The following STEAP3 variants were observed in gnomAD, a reference collection of about 807,000 sequenced individuals.
STEAP3 encodes metalloreductase STEAP3.
In STEAP3, 35 loss-of-function variants were observed where a neutral mutation model predicts 34.9. The observed-to-expected ratio is 1.00, with a 90% CI of 0.76 to 1.33. The LOEUF is 1.33. Ranked by LOEUF, STEAP3 falls within the 40% of genes most tolerant of loss-of-function variation. The pLI is 0.00. For synonymous variants in STEAP3, 281 were observed against 301.6 expected (o/e 0.93, Z 0.71); for missense variants, 652 against 667.6 (o/e 0.98, Z 0.26).
At chr2:119,224,957 A>G (rs959351254) in intron 1 of STEAP3, among the ~76,000 whole-genome samples, 1 of 152,188 alleles carries the variant, frequency 6.6e-6, no homozygotes, top group African/African-American at 2.4e-5. Flanking sequence ...TTGCAGAAGT[A>G]GAATTTGAAC....
At chr2:119,261,335 T>G (rs1360122072) in intron 5 of STEAP3, among the ~76,000 whole-genome samples, 1 of 151,878 alleles carries the variant, frequency 6.6e-6, no homozygotes, top group Non-Finnish European at 1.5e-5. Flanking sequence ...CACCCAGAGG[T>G]CTCAGTGTGC....
intron 4 of STEAP3, 99 bp from the exon 5 acceptor site, chr2:119,254,585 A>G: frequency 7.2e-7 from 1 of 1,392,728 alleles, no homozygotes; most frequent in East Asian, 2.3e-5. Context: ...GTGCAGTGTG[A>G]GCGCCCGCCG....
chr2:119,235,798 A>T (rs1573544508), intron 2 of STEAP3, among the ~76,000 whole-genome samples: 1 of 152,216 alleles, frequency 6.6e-6, no homozygotes, highest in African/African-American at 2.4e-5. Context: ...GATCCTTGCA[A>T]GGGTAAGTGG....
rs371313940 is a variant in STEAP3 at position 119,263,152 on chromosome 2, C to T, written c.1311C>T (p.Tyr437=). 2 of 1,614,004 alleles carry T rather than the reference C, an allele frequency of 1.2e-6. No homozygotes were observed. The highest frequency in any genetic ancestry group is 1.7e-6 in the Non-Finnish European group (2 of 1,180,054). The part of the protein sequence containing the change: ...RAFEESRYKF[Y]LPPTFTLTLL... ...TCGAGGAGAGCCGCTACAAGTTCTA[C>T]CTGCCTCCCACCTTCACGCTCACGC... is the stretch of plus-strand genomic sequence containing the variant. Residue 437 remains tyrosine, a synonymous_variant, in exon 6 of 6, where the codon TAC becomes TAT. Coordinates refer to ENST00000393110, the MANE Select transcript of STEAP3 (RefSeq NM_182915.3).
intron 1 of STEAP3, among the ~76,000 whole-genome samples, chr2:119,227,413 G>A (rs945673625): frequency 2.6e-5 from 4 of 152,234 alleles, no homozygotes; most frequent in Non-Finnish European, 4.4e-5. Flanking sequence ...CTTCAGCACC[G>A]TAAGAACACT....
At chr2:119,231,342 C>CGTGTGTGTGTGTGTGTGTGTGTGT (rs6146901) in intron 2 of STEAP3, among the ~76,000 whole-genome samples, 2 of 143,492 alleles carry the variant, frequency 1.4e-5, no homozygotes, top group African/African-American at 5.2e-5. Context: ...CACACAGTTG[C>CGTGTGTGTGTGTGTGTGTGTGTGT]GTGTGTGTGT....
chr2:119,250,729 C>T (rs995107452), intron 4 of STEAP3, among the ~76,000 whole-genome samples: 4 of 152,174 alleles, frequency 2.6e-5, no homozygotes, highest in African/African-American at 7.2e-5. Context: ...ATTCTCTGCC[C>T]TGCCAAGGCT....
rs534280576 is a variant in STEAP3 at position 119,247,073 on chromosome 2, G to A, written c.523-606G>A. On this transcript the variant is annotated intron_variant, in intron 3 of 5. Transcript: ENST00000393110. ...CCAATGCAGTGTCAACAAGGCCCACGGGGTGCTTGGGGATCTGAGGACTGC... is the reference window on the plus strand; with the variant it reads ...CCAATGCAGTGTCAACAAGGCCCACAGGGTGCTTGGGGATCTGAGGACTGC... 3.7e-4 allele frequency among the ~76,000 whole-genome samples: 57 copies of A among 152,154 alleles called. 1 individual carries two copies. Among genetic ancestry groups the A allele is most frequent in the Non-Finnish European group, 1.8e-4 (12 of 68,042 alleles).
intron 4 of STEAP3, 85 bp downstream of exon 4, chr2:119,248,291 G>C: frequency 6.9e-7 from 1 of 1,454,144 alleles, no homozygotes; most frequent in Non-Finnish European, 9.2e-7. Context: ...AGGTGCAGCC[G>C]ATACCCACGG....
At chr2:119,250,986 C>T (rs886280934) in intron 4 of STEAP3, among the ~76,000 whole-genome samples, 14 of 152,076 alleles carry the variant, frequency 9.2e-5, no homozygotes, top group South Asian at 4.1e-4. Flanking sequence ...GTGGTTATGT[C>T]GGGGTGGGTG....
intron 4 of STEAP3, among the ~76,000 whole-genome samples, chr2:119,249,758 C>T (rs80047190): frequency 0.012 from 1,869 of 152,310 alleles, 42 homozygotes; most frequent in South Asian, 0.069. Flanking sequence ...ACTCGACTGC[C>T]CTCGTCCTTT....
intron 2 of STEAP3, among the ~76,000 whole-genome samples, chr2:119,236,910 C>T (rs558691080): frequency 6.6e-6 from 1 of 152,106 alleles, no homozygotes; most frequent in African/African-American, 2.4e-5. Flanking sequence ...TGAGCAAAGG[C>T]CAAGAGAACA....
chr2:119,227,510 G>A (rs1320832678), intron 1 of STEAP3, among the ~76,000 whole-genome samples: 1 of 152,224 alleles, frequency 6.6e-6, no homozygotes, highest in Admixed American at 6.5e-5. Flanking sequence ...TGGGCAACAA[G>A]TGAGCACTGA....
Position 119,263,269 on chromosome 2 carries a change from G to A in STEAP3, c.1428G>A (p.Glu476=), listed in dbSNP as rs144013888. 4 of 1,613,968 alleles carry A rather than the reference G, an allele frequency of 2.5e-6. No homozygotes were observed. The African/African-American group carries it at 5.3e-5, about 22-fold the overall frequency. ...RRLARIRRGW[E]RESTIKFTLP... is the part of the protein sequence containing the mutation. The stretch of plus-strand genomic sequence containing the variant: ...TCGCCAGGATCCGGAGAGGCTGGGA[G>A]AGGGAGAGCACCATCAAGTTCACGC... The change falls in exon 6 of 6, where the codon GAG becomes GAA. Residue 476 remains glutamate, a synonymous_variant. Coordinates refer to ENST00000393110, the MANE Select transcript of STEAP3 (RefSeq NM_182915.3).
chr2:119,246,147 T>C (rs1677418725), intron 3 of STEAP3, 159 bp downstream of exon 3: 1 of 1,018,194 alleles, frequency 9.8e-7, no homozygotes, highest in South Asian at 1.7e-5. Context: ...CTCAAAGACA[T>C]TAATGATCTT....
intron 5 of STEAP3, among the ~76,000 whole-genome samples, chr2:119,261,509 C>A (rs1301763779): frequency 1.3e-5 from 2 of 151,782 alleles, no homozygotes; most frequent in Non-Finnish European, 2.9e-5. Flanking sequence ...AGTCAGAGCA[C>A]CCCTGTGCCA....
At chr2:119,235,335 T>C (rs534729155) in intron 2 of STEAP3, among the ~76,000 whole-genome samples, 33 of 152,246 alleles carry the variant, frequency 2.2e-4, no homozygotes, top group African/African-American at 7.7e-4. Flanking sequence ...AGAGACAGCA[T>C]GGATACTCGA....
At chr2:119,260,591 C>T (rs1442236876) in intron 5 of STEAP3, among the ~76,000 whole-genome samples, 7 of 152,222 alleles carry the variant, frequency 4.6e-5, no homozygotes, top group Non-Finnish European at 1.0e-4. Context: ...CCACCGCACC[C>T]AGCCAAGACT....
intron 4 of STEAP3, among the ~76,000 whole-genome samples, chr2:119,252,757 T>G (rs571574433): frequency 2.0e-5 from 3 of 152,300 alleles, no homozygotes; most frequent in African/African-American, 7.2e-5. Context: ...AAGGCTGGCT[T>G]AGGTTCTGTC....
Sources: allele counts gnomAD v4.1 joint callset (sites outside exome capture counted in the v4.1 genomes callset), GRCh38; gene constraint gnomAD v4.1.1; transcripts MANE v1.5; gene names NCBI Gene and HGNC (gene_info 2026-07-23, HGNC 2026-07-21).